The following MYO9B variants were observed in gnomAD, a reference collection of about 807,000 sequenced individuals.
MYO9B encodes unconventional myosin-IXb.
Under a neutral mutation model 229.5 loss-of-function variants are expected in MYO9B, and 71 were observed. The observed-to-expected ratio is 0.31, with a 90% CI of 0.26 to 0.38. MYO9B has a LOEUF of 0.38. MYO9B is among the 10% of genes least tolerant of loss of function. The probability of loss-of-function intolerance (pLI) is 1.00; values close to 1 mark genes in which losing one functional copy is unlikely to be tolerated. For synonymous variants in MYO9B, 1,185 were observed against 1,235.8 expected, an observed-to-expected ratio of 0.96 and a Z score of 0.86; for missense variants, 2,255 against 2,920.5, an observed-to-expected ratio of 0.77 and a Z score of 5.25.
At position 17,192,999 on chromosome 19, in the gene MYO9B, G is replaced by A. The variant is rs769218701; in HGVS notation, c.3065G>A (p.Arg1022Gln). 3.0e-5 allele frequency: 45 copies of A among 1,507,540 alleles called. No individual in the cohort carries two copies. Among genetic ancestry groups the A allele is most frequent in the Admixed American group, 8.2e-5 (4 of 48,772 alleles). 93.4% of individuals were successfully genotyped at this position (1,507,540 alleles called of 1,614,324 possible). A position where few individuals can be genotyped will look rare whatever the true frequency, so the allele number is the denominator to read the frequency against. The change falls in exon 21 of 40, where the codon CGG (arginine) becomes CAG (glutamine). Residue 1022 changes from arginine to glutamine, a missense_variant. Physicochemically the swap from Arg to Gln is conservative, Grantham distance 43 (BLOSUM62 1). Around this residue, in one of 7 missense-constraint regions of MYO9B, gnomAD observed 679 missense variants for 770.2 expected, o/e 0.88. Coordinates refer to ENST00000682292, the MANE Select transcript of MYO9B (RefSeq NM_004145.4). ...GGCTACTGGCAGCGGAAGCTCTACC[G>A]GCACCAGAAACAGAGCATCATCCGC... Reference protein sequence around the residue: ...WRGYWQRKLYRHQKQSIIRLQ... With the variant: ...WRGYWQRKLYQHQKQSIIRLQ...
intron 8 of MYO9B, among the ~76,000 whole-genome samples, chr19:17,159,992 A>G (rs2072580577): frequency 1.3e-5 from 2 of 152,234 alleles, no homozygotes; most frequent in South Asian, 4.1e-4. Context: ...TGTAACTCCC[A>G]GCCTGTGAGT....
rs1447737845 is a variant in MYO9B at position 17,101,061 on chromosome 19, T to C, written c.-58-599T>C. ...ATAGCAGAAAGAGGGTCATGGCTTG[T>C]TGGGCTTCAGGATTGAGAGGCTGCC... On this transcript the variant is annotated intron_variant, in intron 1 of 39. Transcript: ENST00000682292. This position sits in a 1 kb window ranked among gnomAD's most constrained non-coding sequence, Gnocchi z 4.7. Among the ~76,000 whole-genome samples the C allele has an allele frequency of 6.6e-6, 1 of 150,928 alleles. No individual in the cohort carries two copies. The highest frequency in any genetic ancestry group is 6.6e-5 in the Admixed American group (1 of 15,080).
chr19:17,195,465 G>T lies in MYO9B; in HGVS notation c.4038G>T (p.Thr1346=), dbSNP rs114243877. Residue 1346 remains threonine, a synonymous_variant, in exon 22 of 40, where the codon ACG becomes ACT. Transcript: ENST00000682292. This position sits in a 1 kb window ranked among gnomAD's most constrained non-coding sequence, Gnocchi z 4.5. ...ACCGGGCCACAGGGGCCGCCCTCAC[G>T]CCCACAGAGTAAGCCCCACACCCTC... ...DRHRATGAAL[T]PTEERRTSFS... is the part of the protein sequence containing the mutation. 1 of 1,594,912 alleles carries T rather than the reference G, an allele frequency of 6.3e-7. No individual in the cohort carries two copies. The highest frequency in any genetic ancestry group is 8.5e-7 in the Non-Finnish European group (1 of 1,175,922).
At chr19:17,106,993 G>A (rs1356648918) in intron 2 of MYO9B, among the ~76,000 whole-genome samples, 1 of 152,210 alleles carries the variant, frequency 6.6e-6, no homozygotes, top group Non-Finnish European at 1.5e-5. Context: ...AACTTGGGAG[G>A]TGGAGGTTGC....
At chr19:17,129,727 A>G (rs77740334) in intron 2 of MYO9B, among the ~76,000 whole-genome samples, 2,100 of 152,284 alleles carry the variant, frequency 0.014, 63 homozygotes, top group African/African-American at 0.048. Flanking sequence ...ATATGCCCCT[A>G]GTGGGCCACT....
chr19:17,093,615 G>A (rs889971335), intron 1 of MYO9B, among the ~76,000 whole-genome samples: 1 of 149,662 alleles, frequency 6.7e-6, no homozygotes, highest in Non-Finnish European at 1.5e-5. Context: ...AGAGTAAGAA[G>A]TTTTAGAAAG....
chr19:17,193,751 A>G lies in MYO9B; in HGVS notation c.3128+689A>G, dbSNP rs1278932217. Among the ~76,000 whole-genome samples the G allele has an allele frequency of 6.6e-6, 1 of 152,084 alleles. No homozygotes were observed. The highest frequency in any genetic ancestry group is 2.4e-5 in the African/African-American group (1 of 41,414). On this transcript the variant is annotated intron_variant, in intron 21 of 39. Coordinates refer to ENST00000682292, the MANE Select transcript of MYO9B (RefSeq NM_004145.4). This position sits in a 1 kb window ranked among gnomAD's most constrained non-coding sequence, Gnocchi z 4.3. ...GACTTAGCCAGGTGTGGTGGTACAC[A>G]CCTGTAGTCCCAGCTATTCAGGAAG...
Position 17,102,422 on chromosome 19 carries a change from C to T in MYO9B, c.705C>T (p.Ile235=), listed in dbSNP as rs369894348. The change falls in exon 2 of 40, where the codon ATC becomes ATT. Residue 235 remains isoleucine (I), a synonymous_variant. Coordinates refer to ENST00000682292, the MANE Select transcript of MYO9B (RefSeq NM_004145.4). ...TCAGGAAGCGCGTGAACCAGTGCATCGTGATCTCGGGTGAGAGCGGCTCCG... is the reference window on the plus strand; with the variant it reads ...TCAGGAAGCGCGTGAACCAGTGCATTGTGATCTCGGGTGAGAGCGGCTCCG... ...TMLRKRVNQC[I]VISGESGSGK... 2.2e-5 allele frequency: 36 copies of T among 1,613,890 alleles called. No homozygotes were observed. Among genetic ancestry groups the T allele is most frequent in the Non-Finnish European group, 2.5e-5 (30 of 1,179,910 alleles).
intron 35 of MYO9B, 154 bp downstream of exon 35, chr19:17,207,398 C>A: frequency 9.4e-7 from 1 of 1,066,952 alleles, no homozygotes; most frequent in Non-Finnish European, 1.3e-6. Flanking sequence ...TTTGGGAGGC[C>A]AAGGCAAGAG....
chr19:17,125,827 G>A (rs574141266), intron 2 of MYO9B, among the ~76,000 whole-genome samples: 4 of 152,304 alleles, frequency 2.6e-5, no homozygotes, highest in South Asian at 2.1e-4. Context: ...AACAGAACCC[G>A]GCAGCAGCTA....
At chr19:17,114,785 G>A (rs531925197) in intron 2 of MYO9B, among the ~76,000 whole-genome samples, 3 of 151,838 alleles carry the variant, frequency 2.0e-5, no homozygotes, top group African/African-American at 4.8e-5. Context: ...CTCAGGTCTC[G>A]CTCCTTTAAG....
In MYO9B at chr19:17,101,404, C is replaced by T. The variant is rs1275296672; in HGVS notation, c.-58-256C>T. ...CTGGTCTCAAACTCCTGGCCTCAAG[C>T]GATCCTCCCACCTTGGCCTCCTAAA... On this transcript the variant is annotated intron_variant, in intron 1 of 39. Transcript: ENST00000682292. The surrounding 1 kb of genome is among the most constrained non-coding windows in gnomAD (Gnocchi z 4.7). Among the ~76,000 whole-genome samples, 1 of 151,926 alleles carries T rather than the reference C, an allele frequency of 6.6e-6. No individual in the cohort carries two copies. The highest frequency in any genetic ancestry group is 1.5e-5 in the Non-Finnish European group (1 of 67,972).
chr19:17,090,548 T>C (rs948826188), intron 1 of MYO9B, among the ~76,000 whole-genome samples: 5 of 152,246 alleles, frequency 3.3e-5, no homozygotes, highest in Non-Finnish European at 5.9e-5. Context: ...TACCACTTTT[T>C]GGCATTTCTT....
At position 17,195,306 on chromosome 19, in the gene MYO9B, C is replaced by G; in HGVS notation, c.3879C>G (p.Gly1293=). 2.5e-6 allele frequency: 4 copies of G among 1,612,616 alleles called. No individual in the cohort carries two copies. The highest frequency in any genetic ancestry group is 2.5e-6 in the Non-Finnish European group (3 of 1,179,746). The change falls in exon 22 of 40, where the codon GGC becomes GGG. Residue 1293 remains glycine, a synonymous_variant. Transcript: ENST00000682292. The surrounding 1 kb of genome is among the most constrained non-coding windows in gnomAD (Gnocchi z 4.5). ...RVQEKPDSPG[G]STQIQRYLDA... is the part of the protein sequence containing the mutation. The stretch of plus-strand genomic sequence containing the variant: ...AGGAAAAGCCCGACAGCCCCGGAGG[C>G]TCCACGCAGATCCAGCGGTACCTGG...
chr19:17,182,926 T>C (rs1467445666), intron 15 of MYO9B, among the ~76,000 whole-genome samples: 2 of 152,000 alleles, frequency 1.3e-5, no homozygotes, highest in East Asian at 3.9e-4. Context: ...GCTTTGGGTT[T>C]TGGGGGGGGT....
chr19:17,089,044 A>G (rs2057611585), intron 1 of MYO9B, among the ~76,000 whole-genome samples: 2 of 152,122 alleles, frequency 1.3e-5, no homozygotes, highest in South Asian at 4.1e-4. Flanking sequence ...GCAGTGGGCC[A>G]TCTCTTGGAG....
intron 1 of MYO9B, among the ~76,000 whole-genome samples, chr19:17,091,390 T>G (rs1488663726): frequency 1.3e-5 from 2 of 152,212 alleles, no homozygotes; most frequent in Admixed American, 6.5e-5. Context: ...CACGCCCAGC[T>G]AATTTTTTAA....
At chr19:17,204,981 G>T (rs2073143750) in intron 30 of MYO9B, among the ~76,000 whole-genome samples, 1 of 151,812 alleles carries the variant, frequency 6.6e-6, no homozygotes, top group Non-Finnish European at 1.5e-5. Context: ...GAGAAACCCT[G>T]TCGCTACTAA....
At chr19:17,078,372 T>G (rs2057505309) in intron 1 of MYO9B, among the ~76,000 whole-genome samples, 1 of 152,050 alleles carries the variant, frequency 6.6e-6, no homozygotes, top group South Asian at 2.1e-4. Context: ...AAACCCTGTC[T>G]CCACTAAAAA....
Sources: gnomAD v4.1 joint callset for allele counts (sites outside exome capture counted in the v4.1 genomes callset) on GRCh38, gnomAD v4.1.1 for gene constraint, gnomAD v4.1.1 regional missense constraint, Gnocchi (gnomAD v3.1) non-coding constraint, MANE v1.5 for transcripts, NCBI Gene and HGNC (gene_info 2026-07-23, HGNC 2026-07-21) for gene names.